Variants in TACR3 observed in about 807,000 individuals in gnomAD.
The protein encoded by TACR3 is neuromedin-K receptor.
TACR3 carries 34 observed loss-of-function variants against 35.0 expected under a neutral mutation model. That is an observed-to-expected ratio of 0.97 (90% CI 0.74 to 1.30). TACR3 has a LOEUF of 1.30. Among genes scored for constraint, TACR3 ranks in the 50% most tolerant of loss-of-function variants. TACR3 has a pLI of 0.00. For missense variants in TACR3, 558 were observed against 591.7 expected, an observed-to-expected ratio of 0.94 and a Z score of 0.59; for synonymous variants, 233 against 221.1, an observed-to-expected ratio of 1.05 and a Z score of -0.48.
chr4:103,719,100 C>T (rs777810537), intron 1 of TACR3, 28 bp downstream of exon 1: 32 of 1,613,860 alleles, frequency 2.0e-5, no homozygotes, highest in Non-Finnish European at 2.5e-5. Flanking sequence ...CCTTCTCCCT[C>T]TTTCCTCTCT....
chr4:103,691,063 A>G (rs1722392248), intron 1 of TACR3, among the ~76,000 whole-genome samples: 1 of 152,214 alleles, frequency 6.6e-6, no homozygotes, highest in Non-Finnish European at 1.5e-5. Flanking sequence ...AGTTTCTTAT[A>G]AAGTTAAATA....
rs1441009420 is a variant in TACR3, at chr4:103,650,716, TATAA to T, written c.888+5474_888+5477del. 2.9e-4 allele frequency among the ~76,000 whole-genome samples: 13 copies of T among 44,970 alleles called. 1 individual carries two copies. The highest frequency in any genetic ancestry group is 1.3e-3 in the Admixed American group (4 of 2,974). 29.5% of individuals were successfully genotyped at this position (44,970 alleles called of 152,430 possible). ...ATATATATTTATATATATAAATATATATAAATAAATATATATTATATCATATATA... is the reference window on the plus strand; with the variant it reads ...ATATATATTTATATATATAAATATATATAAATATATATTATATCATATATA... On this transcript the variant is annotated intron_variant, in intron 3 of 4. Coordinates refer to ENST00000304883, the MANE Select transcript of TACR3 (RefSeq NM_001059.3).
rs1578263491 is a variant in TACR3 at position 103,700,913 on chromosome 4, C to T, written c.548+18215G>A. On this transcript the variant is annotated intron_variant, in intron 1 of 4. Coordinates refer to ENST00000304883, the MANE Select transcript of TACR3 (RefSeq NM_001059.3). Reference sequence around the variant, plus strand: ...GGGACGTATCTCAAAATAATAAGAGCTATCTATGACAAACCCACAGCCAAT... The same window carrying T: ...GGGACGTATCTCAAAATAATAAGAGTTATCTATGACAAACCCACAGCCAAT... Among the ~76,000 whole-genome samples the T allele has an allele frequency of 2.6e-5, 4 of 152,190 alleles. No individual in the cohort carries two copies. The South Asian group carries it at 8.3e-4, about 32-fold the overall frequency.
intron 3 of TACR3, among the ~76,000 whole-genome samples, chr4:103,650,494 T>TTATTTATATA (rs1578242807): frequency 7.5e-6 from 1 of 134,140 alleles, no homozygotes; most frequent in Non-Finnish European, 1.5e-5. Context: ...TAAATATGTA[T>TTATTTATATA]TATTTATATA....
At chr4:103,611,430 G>C (rs1255120186) in intron 3 of TACR3, among the ~76,000 whole-genome samples, 2 of 152,092 alleles carry the variant, frequency 1.3e-5, no homozygotes, top group Non-Finnish European at 2.9e-5. Context: ...AGAGTTTGCT[G>C]TTGGTGATAA....
chr4:103,674,839 C>T (rs1450014145), intron 1 of TACR3, among the ~76,000 whole-genome samples: 5 of 152,166 alleles, frequency 3.3e-5, no homozygotes, highest in South Asian at 2.1e-4. Context: ...CGTGAGCCAC[C>T]GCGCCCGGCC....
intron 3 of TACR3, among the ~76,000 whole-genome samples, chr4:103,649,323 T>A (rs1194634225): frequency 1.3e-5 from 2 of 152,128 alleles, no homozygotes; most frequent in Non-Finnish European, 2.9e-5. Context: ...TGGTTTTGGT[T>A]GCCTGTGCTT....
At chr4:103,650,529 TTATA>T (rs1278906272) in intron 3 of TACR3, among the ~76,000 whole-genome samples, 1 of 126,658 alleles carries the variant, frequency 7.9e-6, no homozygotes, top group African/African-American at 2.9e-5. Context: ...TATGTATTAT[TTATA>T]TATAAATATA....
intron 1 of TACR3, among the ~76,000 whole-genome samples, chr4:103,664,548 A>T (rs1319590218): frequency 2.0e-5 from 3 of 152,106 alleles, no homozygotes; most frequent in Non-Finnish European, 4.4e-5. Context: ...CTTCCAATCA[A>T]TTTGCTCCTG....
intron 3 of TACR3, among the ~76,000 whole-genome samples, chr4:103,638,503 G>T (rs1475678534): frequency 6.6e-6 from 1 of 151,788 alleles, no homozygotes; most frequent in Non-Finnish European, 1.5e-5. Flanking sequence ...GAAAACCTAG[G>T]CGATACCATT....
At chr4:103,657,525 C>T (rs971759361) in intron 2 of TACR3, among the ~76,000 whole-genome samples, 1 of 151,684 alleles carries the variant, frequency 6.6e-6, no homozygotes, top group Non-Finnish European at 1.5e-5. Context: ...CCATTATTTG[C>T]ACCATTTGTT....
Position 103,719,696 on chromosome 4 carries a change from G to A in TACR3, c.-21C>T, listed in dbSNP as rs750676224. ...GCCATCGCCACCGGTCTGCAGTCCC[G>A]GACCCTCCCACTCACCCACGGGCAG... On this transcript the variant is annotated 5_prime_UTR_variant, in exon 1 of 5. Transcript: ENST00000304883. 18 of 1,605,002 alleles carry A rather than the reference G, an allele frequency of 1.1e-5. No individual in the cohort carries two copies. The highest frequency in any genetic ancestry group is 1.5e-5 in the Non-Finnish European group (18 of 1,179,926).
In TACR3 at chr4:103,586,559, T is replaced by G. The variant is rs1723775103; in HGVS notation, c.*3123A>C. Reference sequence around the variant, plus strand: ...TTTATTTTTCACATTTATTTTGTATTTCATAGGCTTGATACCAAGCTTCTT... The same window carrying G: ...TTTATTTTTCACATTTATTTTGTATGTCATAGGCTTGATACCAAGCTTCTT... On this transcript the variant is annotated 3_prime_UTR_variant, in exon 5 of 5. Coordinates refer to ENST00000304883, the MANE Select transcript of TACR3 (RefSeq NM_001059.3). The G allele has an allele frequency of 6.6e-6, 1 of 152,108 alleles. No individual in the cohort carries two copies. Among genetic ancestry groups the G allele is most frequent in the Non-Finnish European group, 1.5e-5 (1 of 68,004 alleles). 9.4% of individuals were successfully genotyped at this position (152,108 alleles called of 1,614,324 possible).
chr4:103,637,211 C>G (rs1278914776), intron 3 of TACR3, among the ~76,000 whole-genome samples: 1 of 152,126 alleles, frequency 6.6e-6, no homozygotes, highest in Non-Finnish European at 1.5e-5. Flanking sequence ...CAAACTGAAT[C>G]CAGCAGCAAA....
intron 1 of TACR3, among the ~76,000 whole-genome samples, chr4:103,686,179 G>A (rs760439619): frequency 6.6e-6 from 1 of 152,268 alleles, no homozygotes; most frequent in Non-Finnish European, 1.5e-5. Context: ...CATGCACAGG[G>A]CTGTGCCACT....
At chr4:103,621,083 C>T (rs534081146) in intron 3 of TACR3, among the ~76,000 whole-genome samples, 6 of 152,128 alleles carry the variant, frequency 3.9e-5, no homozygotes, top group Non-Finnish European at 8.8e-5. Context: ...ATGTTGTATG[C>T]CACATGCTAG....
intron 3 of TACR3, among the ~76,000 whole-genome samples, chr4:103,630,423 C>A (rs1725031953): frequency 6.6e-6 from 1 of 152,124 alleles, no homozygotes; most frequent in African/African-American, 2.4e-5. Flanking sequence ...GTGAGAAAAT[C>A]TTTGCAATCT....
chr4:103,606,653 A>G (rs1404006831), intron 3 of TACR3, among the ~76,000 whole-genome samples: 5 of 151,950 alleles, frequency 3.3e-5, no homozygotes, highest in African/African-American at 7.3e-5. Flanking sequence ...AATGCTTGTG[A>G]TTTTTGTACA....
At chr4:103,689,948 T>C (rs1256720977) in intron 1 of TACR3, among the ~76,000 whole-genome samples, 1 of 152,028 alleles carries the variant, frequency 6.6e-6, no homozygotes, top group Admixed American at 6.6e-5. Flanking sequence ...CAAAATATCC[T>C]TGCAGTTGAC....
Sources: allele counts gnomAD v4.1 joint callset (sites outside exome capture counted in the v4.1 genomes callset), GRCh38; gene constraint gnomAD v4.1.1; transcripts MANE v1.5; gene names NCBI Gene and HGNC (gene_info 2026-07-23, HGNC 2026-07-21).